Variants in SLC2A13 observed in about 807,000 individuals in gnomAD.
The protein encoded by SLC2A13 is proton myo-inositol cotransporter.
SLC2A13 carries 32 observed loss-of-function variants against 64.4 expected under a neutral mutation model. The ratio of observed to expected loss-of-function variants is 0.50; its 90% CI spans 0.37 to 0.67. The LOEUF (loss-of-function observed/expected upper bound fraction) is 0.67. SLC2A13 is among the 30% of genes least tolerant of loss of function. The probability of loss-of-function intolerance (pLI) is 0.00; values close to 1 mark genes in which losing one functional copy is unlikely to be tolerated. For synonymous variants in SLC2A13, 338 were observed against 327.1 expected, an observed-to-expected ratio of 1.03 and a Z score of -0.36; for missense variants, 743 against 829.2, an observed-to-expected ratio of 0.90 and a Z score of 1.28.
At chr12:40,026,610 T>C (rs1947812248) in intron 3 of SLC2A13, among the ~76,000 whole-genome samples, 1 of 152,208 alleles carries the variant, frequency 6.6e-6, no homozygotes, top group Admixed American at 6.5e-5. Flanking sequence ...ATAAAATCAA[T>C]GATATCCATA....
intron 4 of SLC2A13, among the ~76,000 whole-genome samples, chr12:39,937,246 T>C (rs1373821040): frequency 3.9e-5 from 6 of 152,164 alleles, no homozygotes; most frequent in Non-Finnish European, 8.8e-5. Flanking sequence ...TCAAGACAGG[T>C]CACAGCATAT....
At chr12:40,026,053 A>T (rs886699261) in intron 3 of SLC2A13, among the ~76,000 whole-genome samples, 6 of 152,236 alleles carry the variant, frequency 3.9e-5, no homozygotes, top group Non-Finnish European at 8.8e-5. Flanking sequence ...ATCATAAAAA[A>T]TCAGGTCCTC....
At chr12:39,988,780 C>T (rs1227321089) in intron 3 of SLC2A13, among the ~76,000 whole-genome samples, 1 of 152,018 alleles carries the variant, frequency 6.6e-6, no homozygotes, top group Non-Finnish European at 1.5e-5. Flanking sequence ...AAATTCATAG[C>T]TTATGACCAA....
intron 3 of SLC2A13, among the ~76,000 whole-genome samples, chr12:39,960,778 T>C (rs1436864129): frequency 6.8e-6 from 1 of 146,828 alleles, no homozygotes; most frequent in Non-Finnish European, 1.5e-5. Context: ...GACAGAGTCT[T>C]ACTGTGTCAC....
chr12:39,847,777 T>C (rs777137532), intron 6 of SLC2A13, among the ~76,000 whole-genome samples: 3 of 152,184 alleles, frequency 2.0e-5, no homozygotes, highest in African/African-American at 4.8e-5. Flanking sequence ...CCTACCATGA[T>C]TCCAAGTGGT....
chr12:40,085,117 C>G (rs753527451), intron 1 of SLC2A13, among the ~76,000 whole-genome samples: 13 of 152,172 alleles, frequency 8.5e-5, no homozygotes, highest in Admixed American at 5.2e-4. Flanking sequence ...AGGAAGGGAA[C>G]AAAAACTCAT....
intron 4 of SLC2A13, among the ~76,000 whole-genome samples, chr12:39,936,876 T>C (rs1012410878): frequency 6.6e-6 from 1 of 152,148 alleles, no homozygotes; most frequent in Non-Finnish European, 1.5e-5. Flanking sequence ...AGCAGTTGAA[T>C]ATATGAGTGT....
At chr12:39,909,524 C>A (rs1020383893) in intron 4 of SLC2A13, among the ~76,000 whole-genome samples, 1 of 152,094 alleles carries the variant, frequency 6.6e-6, no homozygotes, top group East Asian at 1.9e-4. Flanking sequence ...TCATTAAATA[C>A]ATACAGACCT....
chr12:39,764,697 A>G, intron 8 of SLC2A13, 40 bp downstream of exon 8: 1 of 1,595,664 alleles, frequency 6.3e-7, no homozygotes, highest in African/African-American at 1.4e-5. Flanking sequence ...AAAAAGAGGC[A>G]ATTCAATTAA....
intron 3 of SLC2A13, among the ~76,000 whole-genome samples, chr12:39,968,058 T>C (rs28370716): frequency 0.037 from 5,650 of 152,288 alleles, 332 homozygotes; most frequent in African/African-American, 0.13. Context: ...TTCCCTCCTG[T>C]ATTAGTCTAT....
intron 6 of SLC2A13, among the ~76,000 whole-genome samples, chr12:39,846,695 A>C (rs568923916): frequency 1.6e-4 from 24 of 152,232 alleles, no homozygotes; most frequent in African/African-American, 4.8e-5. Context: ...CAAAAGATCC[A>C]CTGGCCTCGG....
chr12:39,812,744 T>A (rs1243153932), intron 7 of SLC2A13, among the ~76,000 whole-genome samples: 2 of 151,652 alleles, frequency 1.3e-5, no homozygotes, highest in East Asian at 3.9e-4. Context: ...ACTGCTGGGA[T>A]TACGGGCGTG....
chr12:39,937,153 A>C (rs375930505), intron 4 of SLC2A13, among the ~76,000 whole-genome samples: 9 of 152,190 alleles, frequency 5.9e-5, no homozygotes, highest in African/African-American at 2.2e-4. Context: ...GAATAAATGT[A>C]AATCTGGGAA....
chr12:40,096,337 T>C (rs1283985403), intron 1 of SLC2A13, among the ~76,000 whole-genome samples: 4 of 152,174 alleles, frequency 2.6e-5, no homozygotes, highest in Admixed American at 2.0e-4. Flanking sequence ...TTACTAACTG[T>C]ATTTTTCTTG....
rs1942813823 is a variant in SLC2A13, at chr12:39,830,210, C to G, written c.1338G>C (p.Met446Ile). 1 of 1,613,186 alleles carries G rather than the reference C, an allele frequency of 6.2e-7. No individual in the cohort carries two copies. The highest frequency in any genetic ancestry group is 1.7e-5 in the Admixed American group (1 of 59,868). Residue 446 changes from methionine (M) to isoleucine (I), a missense_variant, in exon 7 of 10, where the codon ATG (methionine) becomes ATC (isoleucine). By Grantham distance (10) the Met-to-Ile change is conservative (BLOSUM62 1). This residue lies in a region of SLC2A13 where 295 missense variants were observed against 381.7 expected (regional missense o/e 0.77). Coordinates refer to ENST00000280871, the MANE Select transcript of SLC2A13 (RefSeq NM_052885.4). ...AGCAGAAACCGCAGTCTGGATCCAA[C>G]ATACATTCATTACAGTAACTGAAAA... ...CTRYSYCNEC[M>I]LDPDCGFCYK...
intron 4 of SLC2A13, among the ~76,000 whole-genome samples, chr12:39,940,197 G>A (rs1945995687): frequency 6.6e-6 from 1 of 152,120 alleles, no homozygotes; most frequent in Non-Finnish European, 1.5e-5. Context: ...GGCAGAGAGG[G>A]GAAGACACTT....
intron 9 of SLC2A13, among the ~76,000 whole-genome samples, chr12:39,760,674 CCTTT>C (rs1940102135): frequency 6.6e-6 from 1 of 151,880 alleles, no homozygotes; most frequent in African/African-American, 2.4e-5. Context: ...AGAAGAAGTT[CCTTT>C]CTTAATTTGT....
In SLC2A13 at chr12:39,790,425, T is replaced by A. The variant is rs558725266; in HGVS notation, c.1446-25567A>T. On this transcript the variant is annotated intron_variant, in intron 7 of 9. Coordinates refer to ENST00000280871, the MANE Select transcript of SLC2A13 (RefSeq NM_052885.4). ...GTGATATTCCCTTCCTGTGTCCATGTGATCTCATTGTTCAATTCCCACCTA... is the reference window on the plus strand; with the variant it reads ...GTGATATTCCCTTCCTGTGTCCATGAGATCTCATTGTTCAATTCCCACCTA... Among the ~76,000 whole-genome samples the A allele has an allele frequency of 1.0e-3, 150 of 143,380 alleles. 1 individual carries two copies. The highest frequency in any genetic ancestry group is 3.6e-3 in the African/African-American group (139 of 38,522). The allele number at this position is 143,380 out of a possible 152,430, so 94.1% of individuals were successfully genotyped here.
intron 4 of SLC2A13, among the ~76,000 whole-genome samples, chr12:39,947,064 CCTGT>C (rs1412063188): frequency 1.3e-5 from 2 of 152,170 alleles, no homozygotes; most frequent in African/African-American, 4.8e-5. Context: ...ATTTCACTTG[CCTGT>C]CTAACTTGAC....
Sources: gnomAD v4.1 joint callset for allele counts (sites outside exome capture counted in the v4.1 genomes callset) on GRCh38, gnomAD v4.1.1 for gene constraint, gnomAD v4.1.1 regional missense constraint, MANE v1.5 for transcripts, NCBI Gene and HGNC (gene_info 2026-07-23, HGNC 2026-07-21) for gene names.